BACH2: variants seen among roughly 807,000 people sequenced by gnomAD.
BACH2 encodes the protein transcription regulator protein BACH2.
BACH2 carries 5 observed loss-of-function variants against 61.8 expected under a neutral mutation model. The observed-to-expected ratio is 0.08, with a 90% confidence interval of 0.04 to 0.17. BACH2 has a LOEUF of 0.17. Among genes scored for constraint, BACH2 ranks in the 10% least tolerant of loss-of-function variants. The pLI is 1.00. For synonymous variants in BACH2, 446 were observed against 440.1 expected, an observed-to-expected ratio of 1.01 and a Z score of -0.17; for missense variants, 824 against 1,091.1, an observed-to-expected ratio of 0.76 and a Z score of 3.45.
intron 6 of BACH2, among the ~76,000 whole-genome samples, chr6:90,004,198 T>C (rs1234931024): frequency 6.6e-6 from 1 of 152,232 alleles, no homozygotes. Flanking sequence ...TTGCAGCCTG[T>C]GGTTAAGACT....
chr6:90,201,661 G>T (rs906299197), intron 4 of BACH2, among the ~76,000 whole-genome samples: 2 of 152,144 alleles, frequency 1.3e-5, no homozygotes, highest in Non-Finnish European at 2.9e-5. Flanking sequence ...AAGTTCTGAG[G>T]TGTTACATAG....
rs768047719 is a variant in BACH2, at chr6:89,951,626, T to C, written c.480A>G (p.Ala160=). The change falls in exon 7 of 9, where the codon GCA becomes GCG. Residue 160 remains alanine, a synonymous_variant. Coordinates refer to ENST00000257749, the MANE Select transcript of BACH2 (RefSeq NM_021813.4). The surrounding 1 kb of genome is among the most constrained non-coding windows in gnomAD (Gnocchi z 6.4). ...QRPHEDCENS[A]GEEEDEEEET... is the part of the protein sequence containing the mutation. ...CCTCCTCTTCATCCTCCTCCTCTCC[T>C]GCAGAGTTCTCGCAGTCCTCGTGTG... is the stretch of plus-strand genomic sequence containing the variant. 5 of 1,614,212 alleles carry C rather than the reference T, an allele frequency of 3.1e-6. No individual in the cohort carries two copies. The highest frequency in any genetic ancestry group is 4.2e-6 in the Non-Finnish European group (5 of 1,180,036).
At chr6:90,051,688 C>T (rs372525837) in intron 5 of BACH2, among the ~76,000 whole-genome samples, 10 of 152,262 alleles carry the variant, frequency 6.6e-5, no homozygotes, top group East Asian at 3.9e-4. Flanking sequence ...ATTCATCCTT[C>T]CTTTCTCATT....
At chr6:90,073,445 A>T (rs1375665275) in intron 5 of BACH2, among the ~76,000 whole-genome samples, 1 of 152,224 alleles carries the variant, frequency 6.6e-6, no homozygotes, top group Non-Finnish European at 1.5e-5. Flanking sequence ...ACAGAGATCG[A>T]GATGAAACAT....
intron 4 of BACH2, among the ~76,000 whole-genome samples, chr6:90,183,331 C>A (rs1011064742): frequency 7.2e-5 from 11 of 152,182 alleles, no homozygotes; most frequent in Non-Finnish European, 1.5e-4. Context: ...AGATAGTAAC[C>A]GAGTTTATGC....
chr6:90,054,480 C>T (rs917685594), intron 5 of BACH2, among the ~76,000 whole-genome samples: 3 of 152,218 alleles, frequency 2.0e-5, no homozygotes, highest in African/African-American at 7.2e-5. Context: ...CAGGGAAGCT[C>T]GAACTGGGTG....
Position 89,951,578 on chromosome 6 carries a change from G to A in BACH2, c.528C>T (p.Ala176=). The part of the protein sequence containing the change: ...EEEETMDSET[A]KMACPRDQML... ...TCTGGTCCCTGGGGCAAGCCATCTT[G>A]GCCGTCTCTGAATCCATCGTCTCCT... is the stretch of plus-strand genomic sequence containing the variant. Residue 176 remains alanine, a synonymous_variant, in exon 7 of 9, where the codon GCC becomes GCT. Coordinates refer to ENST00000257749, the MANE Select transcript of BACH2 (RefSeq NM_021813.4). The surrounding 1 kb of genome is among the most constrained non-coding windows in gnomAD (Gnocchi z 6.4). 6.2e-7 allele frequency: 1 copy of A among 1,614,120 alleles called. No individual in the cohort carries two copies. Among genetic ancestry groups the A allele is most frequent in the Non-Finnish European group, 8.5e-7 (1 of 1,180,038 alleles).
rs543619938 is a variant in BACH2 at position 90,072,392 on chromosome 6, A to T, written c.-13+16569T>A. On this transcript the variant is annotated intron_variant, in intron 5 of 8. Coordinates refer to ENST00000257749, the MANE Select transcript of BACH2 (RefSeq NM_021813.4). ...GCTCCAGGGTCTTTGCCCCATTATG[A>T]GCTGATCTGTTTTTCCCTTCAATGC... 3.9e-5 allele frequency among the ~76,000 whole-genome samples: 6 copies of T among 152,262 alleles called. No individual in the cohort carries two copies. The South Asian group carries it at 1.0e-3, about 26-fold the overall frequency.
rs901078565 is a variant in BACH2, at chr6:90,008,094, G to C, written c.243+508C>G. The C allele has an allele frequency of 5.4e-5, 9 of 167,222 alleles. No homozygotes were observed. The highest frequency in any genetic ancestry group is 7.8e-5 in the Non-Finnish European group (6 of 76,568). 10.4% of individuals were successfully genotyped at this position (167,222 alleles called of 1,614,324 possible). ...TGATGTGATTAAGAAACCTGAGTGG[G>C]CTGTTTTCAACAACGGTGAGAAAAG... On this transcript the variant is annotated intron_variant, in intron 6 of 8. Coordinates refer to ENST00000257749, the MANE Select transcript of BACH2 (RefSeq NM_021813.4). This position sits in a 1 kb window ranked among gnomAD's most constrained non-coding sequence, Gnocchi z 4.1.
At chr6:90,041,420 C>G (rs1427922742) in intron 5 of BACH2, among the ~76,000 whole-genome samples, 1 of 151,794 alleles carries the variant, frequency 6.6e-6, no homozygotes, top group Non-Finnish European at 1.5e-5. Flanking sequence ...TGAACATGAT[C>G]AAATAAGTGT....
In BACH2 at chr6:90,116,857, G is replaced by A. The variant is rs984755785; in HGVS notation, c.-161-27748C>T. Reference sequence around the variant, plus strand: ...CTGGGATGCCTCTGGAGCACGCTTTGATATTTGATAGATGCCTCCAGGACC... The same window carrying A: ...CTGGGATGCCTCTGGAGCACGCTTTAATATTTGATAGATGCCTCCAGGACC... On this transcript the variant is annotated intron_variant, in intron 4 of 8. Transcript: ENST00000257749. 7 of 620,736 alleles carry A rather than the reference G, an allele frequency of 1.1e-5. No homozygotes were observed. The South Asian group carries it at 2.3e-4, about 20-fold the overall frequency. 38.5% of individuals were successfully genotyped at this position (620,736 alleles called of 1,614,324 possible).
intron 6 of BACH2, among the ~76,000 whole-genome samples, chr6:89,959,346 C>T (rs2128358765): frequency 6.6e-6 from 1 of 152,216 alleles, no homozygotes. Context: ...TGACTCGAAT[C>T]CCCATGATAG....
At chr6:90,165,218 T>C (rs947849737) in intron 4 of BACH2, among the ~76,000 whole-genome samples, 1 of 152,204 alleles carries the variant, frequency 6.6e-6, no homozygotes, top group Non-Finnish European at 1.5e-5. Context: ...CAGCAAAGTC[T>C]CAGGATATAA....
At chr6:90,195,455 C>T (rs139617545) in intron 4 of BACH2, among the ~76,000 whole-genome samples, 112 of 152,256 alleles carry the variant, frequency 7.4e-4, no homozygotes, top group African/African-American at 2.6e-3. Context: ...CTCATTTATC[C>T]TATTAGTCTG....
rs150375677 is a variant in BACH2 at position 89,945,891 on chromosome 6, T to C, written c.1836+4379A>G. 6.4e-3 allele frequency among the ~76,000 whole-genome samples: 982 copies of C among 152,284 alleles called. 14 individuals are homozygous for C. The highest frequency in any genetic ancestry group is 0.023 in the African/African-American group (939 of 41,552). ...TATATTTAGGAAACAAACTAGGACC[T>C]TGTGCATACTGCTTTGTGATTTTCA... On this transcript the variant is annotated intron_variant, in intron 7 of 8. Transcript: ENST00000257749.
At chr6:90,100,704 C>CACACACACACACACACACAG (rs1562443979) in intron 4 of BACH2, among the ~76,000 whole-genome samples, 26 of 66,348 alleles carry the variant, frequency 3.9e-4, no homozygotes, top group African/African-American at 1.6e-3. Flanking sequence ...CACACACAGA[C>CACACACACACACACACACAG]ACACACACAC....
At chr6:90,037,847 A>C (rs182950050) in intron 5 of BACH2, among the ~76,000 whole-genome samples, 169 of 152,360 alleles carry the variant, frequency 1.1e-3, no homozygotes, top group African/African-American at 4.0e-3. Flanking sequence ...TGTCCTTTTA[A>C]AATGAACTCC....
At chr6:89,966,987 G>A (rs1026319602) in intron 6 of BACH2, among the ~76,000 whole-genome samples, 5 of 152,158 alleles carry the variant, frequency 3.3e-5, no homozygotes, top group Admixed American at 3.3e-4. Context: ...AGGCCGGTAG[G>A]GTCCTATTTT....
intron 6 of BACH2, among the ~76,000 whole-genome samples, chr6:89,968,494 A>G (rs147942200): frequency 6.6e-6 from 1 of 152,392 alleles, no homozygotes; most frequent in East Asian, 1.9e-4. Context: ...GAAAGAATTA[A>G]CAAAAGTCCA....
Sources: allele counts gnomAD v4.1 joint callset (sites outside exome capture counted in the v4.1 genomes callset), GRCh38; gene constraint gnomAD v4.1.1; non-coding constraint Gnocchi (gnomAD v3.1); transcripts MANE v1.5; gene names NCBI Gene and HGNC (gene_info 2026-07-23, HGNC 2026-07-21).